Variants in LAMC1 observed in about 807,000 individuals in gnomAD.
LAMC1 encodes laminin subunit gamma 1, also known as laminin subunit gamma-1.
In LAMC1, 38 loss-of-function variants were observed where a neutral mutation model predicts 173.6. The observed-to-expected ratio is 0.22, with a 90% CI of 0.17 to 0.29. LAMC1 has a LOEUF of 0.29. Among genes scored for constraint, LAMC1 ranks in the 10% least tolerant of loss-of-function variants. The pLI is 1.00. For missense variants in LAMC1, 1,824 were observed against 2,051.8 expected, an observed-to-expected ratio of 0.89 and a Z score of 2.14; for synonymous variants, 746 against 749.1, an observed-to-expected ratio of 1.00 and a Z score of 0.07.
At position 183,023,847 on chromosome 1, in the gene LAMC1, G is replaced by T. The variant is rs1558024306; in HGVS notation, c.131G>T (p.Gly44Val). The change falls in exon 1 of 28, where the codon GGC becomes GTC. Residue 44 changes from glycine (G) to valine (V), a missense_variant. Coordinates refer to ENST00000258341, the MANE Select transcript of LAMC1 (RefSeq NM_002293.4). ...GCCATGGACGAGTGCACGGACGAGG[G>T]CGGGCGGCCGCAGCGCTGCATGCCC... Reference protein sequence around the residue: ...QAAMDECTDEGGRPQRCMPEF... With the variant: ...QAAMDECTDEVGRPQRCMPEF... 6.2e-7 allele frequency: 1 copy of T among 1,607,146 alleles called. No homozygotes were observed.
intron 1 of LAMC1, among the ~76,000 whole-genome samples, chr1:183,097,800 G>A (rs544235903): frequency 6.6e-6 from 1 of 152,258 alleles, no homozygotes; most frequent in East Asian, 1.9e-4. Context: ...AGGAAGTATT[G>A]GTTAATTTTG....
chr1:183,117,350 A>T lies in LAMC1; in HGVS notation c.1595A>T (p.Asp532Val). The T allele has an allele frequency of 6.2e-7, 1 of 1,611,756 alleles. No individual in the cohort carries two copies. Among genetic ancestry groups the T allele is most frequent in the Non-Finnish European group, 8.5e-7 (1 of 1,178,028 alleles). Reference sequence around the variant, plus strand: ...GATGGGTGGCGTGCGGAACAGAGAGATGGCTCTGAAGCATCTCTCGAGTGG... The same window carrying T: ...GATGGGTGGCGTGCGGAACAGAGAGTTGGCTCTGAAGCATCTCTCGAGTGG... ...DEDGWRAEQR[D>V]GSEASLEWSS... is the part of the protein sequence containing the mutation. The change falls in exon 9 of 28, where the codon GAT becomes GTT. Residue 532 changes from aspartate to valine, a missense_variant. Physicochemically the swap from Asp to Val is radical, Grantham distance 152 (BLOSUM62 -3). Coordinates refer to ENST00000258341, the MANE Select transcript of LAMC1 (RefSeq NM_002293.4).
chr1:183,029,353 A>G (rs916696746), intron 1 of LAMC1, among the ~76,000 whole-genome samples: 13 of 152,146 alleles, frequency 8.5e-5, no homozygotes, highest in African/African-American at 3.1e-4. Flanking sequence ...CAGCCTCCAA[A>G]TAAACTGGTG....
intron 1 of LAMC1, among the ~76,000 whole-genome samples, chr1:183,069,587 C>T (rs1654957937): frequency 6.6e-6 from 1 of 152,142 alleles, no homozygotes; most frequent in Admixed American, 6.5e-5. Flanking sequence ...GTCTGGGTGT[C>T]CAGTGTGTCA....
intron 1 of LAMC1, among the ~76,000 whole-genome samples, chr1:183,050,483 C>G (rs180808095): frequency 1.1e-3 from 160 of 149,158 alleles, no homozygotes; most frequent in African/African-American, 3.8e-3. Flanking sequence ...GGGGTTTCAC[C>G]ACGTTAGCCA....
rs774384881 is a variant in LAMC1, at chr1:183,110,483, C to A, written c.855-5C>A. The A allele has an allele frequency of 6.2e-7, 1 of 1,605,012 alleles. No individual in the cohort carries two copies. The highest frequency in any genetic ancestry group is 1.1e-5 in the South Asian group (1 of 89,702). ...CATTTTTTGGAGTATCTCTTCTCTC[C>A]CCAGATGTAAATGTAATGGACACGC... On this transcript the variant is annotated splice_polypyrimidine_tract_variant and splice_region_variant and intron_variant, in intron 3 of 27. Transcript: ENST00000258341.
At chr1:183,026,367 G>T (rs142088623) in intron 1 of LAMC1, among the ~76,000 whole-genome samples, 279 of 152,240 alleles carry the variant, frequency 1.8e-3, no homozygotes, top group Non-Finnish European at 3.4e-3. Context: ...AAGGGGGAAA[G>T]GTTTGTGTGT....
At chr1:183,045,439 G>A (rs1654242637) in intron 1 of LAMC1, among the ~76,000 whole-genome samples, 1 of 151,884 alleles carries the variant, frequency 6.6e-6, no homozygotes. Flanking sequence ...TTTGAGCTTT[G>A]TAAAAATGGT....
At position 183,064,499 on chromosome 1, in the gene LAMC1, T is replaced by C. The variant is rs574336830; in HGVS notation, c.419-38829T>C. 5.8e-4 allele frequency among the ~76,000 whole-genome samples: 88 copies of C among 152,238 alleles called. 1 individual carries two copies. Among genetic ancestry groups the C allele is most frequent in the African/African-American group, 1.9e-3 (77 of 41,546 alleles). On this transcript the variant is annotated intron_variant, in intron 1 of 27. Coordinates refer to ENST00000258341, the MANE Select transcript of LAMC1 (RefSeq NM_002293.4). Reference sequence around the variant, plus strand: ...CATAAACACTTCTAAAACTAAACTTTGAAATAAGCATGAGTTATATGTATA... The same window carrying C: ...CATAAACACTTCTAAAACTAAACTTCGAAATAAGCATGAGTTATATGTATA...
chr1:183,136,659 CT>C lies in LAMC1; in HGVS notation c.4314+75del, dbSNP rs1656951938. ...TCACTTTCCAGTTTCTTTCCAGACC[CT>C]CAGAGCCCTTGCAGATTTTTTTCCT... On this transcript the variant is annotated intron_variant, in intron 25 of 27. Transcript: ENST00000258341. 3.2e-5 allele frequency: 41 copies of C among 1,267,560 alleles called. 1 individual carries two copies. In the South Asian group the frequency reaches 5.7e-4, roughly 18 times the overall value. 78.5% of individuals were successfully genotyped at this position (1,267,560 alleles called of 1,614,324 possible).
intron 1 of LAMC1, among the ~76,000 whole-genome samples, chr1:183,083,115 G>A (rs976554963): frequency 1.3e-5 from 2 of 152,192 alleles, no homozygotes; most frequent in African/African-American, 2.4e-5. Flanking sequence ...ATTGGTGCAA[G>A]ACAGGTAAAG....
intron 18 of LAMC1, among the ~76,000 whole-genome samples, chr1:183,129,959 G>A (rs1318358806): frequency 6.6e-6 from 1 of 152,086 alleles, no homozygotes; most frequent in Non-Finnish European, 1.5e-5. Context: ...GGCTTTTAGG[G>A]CTGGCAGCAT....
At chr1:183,036,015 A>G (rs960816144) in intron 1 of LAMC1, among the ~76,000 whole-genome samples, 5 of 151,740 alleles carry the variant, frequency 3.3e-5, no homozygotes, top group African/African-American at 1.2e-4. Flanking sequence ...ACCTTTCCCA[A>G]TGCTGGGGAG....
chr1:183,111,895 T>C (rs1419361739), intron 4 of LAMC1, among the ~76,000 whole-genome samples: 1 of 151,918 alleles, frequency 6.6e-6, no homozygotes, highest in Non-Finnish European at 1.5e-5. Flanking sequence ...ATTAGCCAGG[T>C]GTGGTGGTGC....
chr1:183,108,494 C>T (rs1231191164), intron 3 of LAMC1, 88 bp downstream of exon 3: 1 of 1,178,142 alleles, frequency 8.5e-7, no homozygotes, highest in Non-Finnish European at 1.2e-6. Flanking sequence ...TATGTTAATA[C>T]CGTTGTTAGA....
intron 1 of LAMC1, among the ~76,000 whole-genome samples, chr1:183,064,518 A>G (rs982256250): frequency 6.6e-6 from 1 of 152,232 alleles, no homozygotes; most frequent in African/African-American, 2.4e-5. Flanking sequence ...CATGAGTTAT[A>G]TGTATATTTT....
At chr1:183,105,882 T>G (rs7414273) in intron 2 of LAMC1, among the ~76,000 whole-genome samples, 2 of 152,048 alleles carry the variant, frequency 1.3e-5, no homozygotes, top group Non-Finnish European at 2.9e-5. Context: ...GGAGACCCTT[T>G]TTGGTTTCAC....
chr1:183,141,800 G>A (rs184391452), intron 27 of LAMC1, among the ~76,000 whole-genome samples: 2 of 152,294 alleles, frequency 1.3e-5, no homozygotes, highest in African/African-American at 4.8e-5. Flanking sequence ...TTGCTTTGTT[G>A]CCTATAGGCT....
chr1:183,076,473 T>A (rs532593292), intron 1 of LAMC1, among the ~76,000 whole-genome samples: 1 of 152,318 alleles, frequency 6.6e-6, no homozygotes, highest in South Asian at 2.1e-4. Context: ...GCTCCTTCGA[T>A]GTTTTCCATG....
Sources: allele counts gnomAD v4.1 joint callset (sites outside exome capture counted in the v4.1 genomes callset), GRCh38; gene constraint gnomAD v4.1.1; transcripts MANE v1.5; gene names NCBI Gene and HGNC (gene_info 2026-07-23, HGNC 2026-07-21).